Variants in SVIL observed in about 807,000 individuals in gnomAD.
SVIL encodes archvillin.
SVIL carries 101 observed loss-of-function variants against 240.4 expected under a neutral mutation model. That is an observed-to-expected ratio of 0.42 (90% CI 0.36 to 0.50). The LOEUF (loss-of-function observed/expected upper bound fraction) is 0.50, where lower values mean the gene tolerates loss of function less well. Ranked by LOEUF, SVIL falls within the 20% of genes least tolerant of loss-of-function variation. The pLI is 0.01. For synonymous variants in SVIL, 999 were observed against 1,100.0 expected, an observed-to-expected ratio of 0.91 and a Z score of 1.82; for missense variants, 2,512 against 2,818.7, an observed-to-expected ratio of 0.89 and a Z score of 2.46.
At chr10:29,690,495 A>G (rs905446946) in intron 1 of SVIL, among the ~76,000 whole-genome samples, 1 of 152,196 alleles carries the variant, frequency 6.6e-6, no homozygotes, top group Non-Finnish European at 1.5e-5. Flanking sequence ...GGCTATTTAT[A>G]TCATTTAGAA....
intron 17 of SVIL, among the ~76,000 whole-genome samples, chr10:29,502,393 A>C: frequency 6.6e-6 from 1 of 152,038 alleles, no homozygotes; most frequent in Non-Finnish European, 1.5e-5. Context: ...TAAGCTTAAA[A>C]CTTCATTATT....
chr10:29,680,896 G>A (rs1221735561), intron 2 of SVIL, among the ~76,000 whole-genome samples: 20 of 151,552 alleles, frequency 1.3e-4, no homozygotes, highest in Non-Finnish European at 1.0e-4. Context: ...TCCAGCCTGG[G>A]CGACAGAGTG....
intron 3 of SVIL, among the ~76,000 whole-genome samples, chr10:29,558,174 A>G (rs1415861634): frequency 6.6e-6 from 1 of 152,034 alleles, no homozygotes; most frequent in Non-Finnish European, 1.5e-5. Context: ...CCAGCACTGC[A>G]CTCTTTTCAG....
chr10:29,470,310 C>T lies in SVIL; in HGVS notation c.5809G>A (p.Val1937Ile), dbSNP rs1207370906. The change falls in exon 32 of 38, where the codon GTC becomes ATC. Residue 1937 changes from valine to isoleucine, a missense_variant. Val to Ile is a conservative substitution (Grantham distance 29, BLOSUM62 3). Around this residue, in one of 3 missense-constraint regions of SVIL, gnomAD observed 797 missense variants for 925.3 expected, o/e 0.86. Coordinates refer to ENST00000355867, the MANE Select transcript of SVIL (RefSeq NM_021738.3). ...ATCTTGTTCGCAGCGGTCCTTCCGA[C>T]CTCCTTCGTGTGGGCCTGGGCTTTG... The part of the protein sequence containing the change: ...GCKAQAHTKE[V>I]GRTAANKIKE... 1.2e-6 allele frequency: 2 copies of T among 1,614,174 alleles called. No individual in the cohort carries two copies. The highest frequency in any genetic ancestry group is 1.7e-6 in the Non-Finnish European group (2 of 1,180,034).
chr10:29,729,491 GTGTGTA>G (rs1485432516), intron 1 of SVIL, among the ~76,000 whole-genome samples: 16 of 134,486 alleles, frequency 1.2e-4, no homozygotes, highest in African/African-American at 1.4e-4. Flanking sequence ...GTGTGTGTGT[GTGTGTA>G]TGTATGTGGT....
chr10:29,635,446 A>G (rs183576198), upstream of SVIL, among the ~76,000 whole-genome samples: 693 of 152,348 alleles, frequency 4.5e-3, 4 homozygotes, highest in Non-Finnish European at 7.2e-3. Context: ...CAATAACTGT[A>G]GAAAATGAAT....
intron 1 of SVIL, chr10:29,575,382 A>C (rs550181995): frequency 4.6e-6 from 1 of 216,680 alleles, no homozygotes; most frequent in East Asian, 1.1e-4. Flanking sequence ...ACTGAGGCCC[A>C]GCCTAGGTAA....
At chr10:29,621,607 A>G (rs1438273305) in intron 1 of SVIL, among the ~76,000 whole-genome samples, 1 of 152,252 alleles carries the variant, frequency 6.6e-6, no homozygotes, top group Non-Finnish European at 1.5e-5. Flanking sequence ...ATCATGTTTA[A>G]AAATTACATT....
chr10:29,599,925 G>A (rs1412120495), intron 1 of SVIL, among the ~76,000 whole-genome samples: 1 of 151,998 alleles, frequency 6.6e-6, no homozygotes, highest in Non-Finnish European at 1.5e-5. Flanking sequence ...AAGAGTTAGA[G>A]GTAGGAGTAG....
At chr10:29,672,673 A>G (rs1959870989) in intron 2 of SVIL, among the ~76,000 whole-genome samples, 1 of 152,092 alleles carries the variant, frequency 6.6e-6, no homozygotes, top group Non-Finnish European at 1.5e-5. Context: ...GTGCTTCAGT[A>G]CTAGGTTCAA....
intron 2 of SVIL, among the ~76,000 whole-genome samples, chr10:29,566,448 T>C (rs12768540): frequency 6.6e-6 from 1 of 152,110 alleles, no homozygotes; most frequent in Admixed American, 6.6e-5. Flanking sequence ...GCAGGCAGAC[T>C]GGGCTGGAAA....
chr10:29,617,432 T>A (rs554247560), intron 1 of SVIL, among the ~76,000 whole-genome samples: 2 of 152,160 alleles, frequency 1.3e-5, no homozygotes, highest in South Asian at 4.1e-4. Context: ...ATACAAAAAA[T>A]TAGCCAGGCG....
At chr10:29,486,902 C>T (rs1422783992) in intron 24 of SVIL, among the ~76,000 whole-genome samples, 1 of 152,174 alleles carries the variant, frequency 6.6e-6, no homozygotes, top group African/African-American at 2.4e-5. Context: ...TAAAGTGGGG[C>T]CGCTTCCTTT....
At chr10:29,719,871 G>A (rs1963869783) in intron 1 of SVIL, among the ~76,000 whole-genome samples, 1 of 152,162 alleles carries the variant, frequency 6.6e-6, no homozygotes, top group African/African-American at 2.4e-5. Flanking sequence ...TTCCACATGG[G>A]GGGCACAGAG....
chr10:29,585,413 T>C (rs2368370), intron 1 of SVIL, among the ~76,000 whole-genome samples: 65,226 of 151,862 alleles, frequency 0.43, 14,128 homozygotes, highest in Admixed American at 0.47. Context: ...TGGCCTTGAA[T>C]TCCTGGCCTC....
chr10:29,577,727 A>G (rs891377876), intron 1 of SVIL, among the ~76,000 whole-genome samples: 4 of 152,216 alleles, frequency 2.6e-5, no homozygotes, highest in African/African-American at 9.7e-5. Context: ...ATTAAATGGT[A>G]GTTCTACTTT....
intron 7 of SVIL, 100 bp downstream of exon 7, chr10:29,535,889 T>C: frequency 3.2e-6 from 4 of 1,246,516 alleles, no homozygotes; most frequent in Non-Finnish European, 4.6e-6. Context: ...GCACTGGTAT[T>C]AAAGAAGGCA....
chr10:29,583,237 T>C (rs1956026187), intron 1 of SVIL, among the ~76,000 whole-genome samples: 1 of 152,152 alleles, frequency 6.6e-6, no homozygotes, highest in African/African-American at 2.4e-5. Context: ...TAATAATCAG[T>C]ATGAAAATGC....
intron 1 of SVIL, among the ~76,000 whole-genome samples, chr10:29,704,356 A>G (rs940586120): frequency 1.3e-5 from 2 of 152,216 alleles, no homozygotes; most frequent in Non-Finnish European, 2.9e-5. Context: ...ATGTTGTCTT[A>G]CAAATAATTT....
Sources: gnomAD v4.1 joint callset for allele counts (sites outside exome capture counted in the v4.1 genomes callset) on GRCh38, gnomAD v4.1.1 for gene constraint, gnomAD v4.1.1 regional missense constraint, MANE v1.5 for transcripts, NCBI Gene and HGNC (gene_info 2026-07-23, HGNC 2026-07-21) for gene names.